The following MTMR2 variants were observed in gnomAD, a reference collection of about 807,000 sequenced individuals.
MTMR2 encodes the protein myotubularin related protein 2, also known as phosphatidylinositol-3,5-bisphosphate 3-phosphatase MTMR2.
A neutral mutation model predicts 86.9 loss-of-function variants in MTMR2; 55 were observed. The observed-to-expected ratio is 0.63, with a 90% confidence interval of 0.51 to 0.79. The LOEUF (loss-of-function observed/expected upper bound fraction) is 0.79, where lower values mean the gene tolerates loss of function less well. Among genes scored for constraint, MTMR2 ranks in the 30% least tolerant of loss-of-function variants. The pLI is 0.00. For missense variants in MTMR2, 659 were observed against 772.3 expected (o/e 0.85, Z 1.74); for synonymous variants, 241 against 266.8 (o/e 0.90, Z 0.94).
At chr11:95,842,556 G>A (rs1377826807) in intron 11 of MTMR2, among the ~76,000 whole-genome samples, 1 of 152,126 alleles carries the variant, frequency 6.6e-6, no homozygotes, top group Admixed American at 6.6e-5. Flanking sequence ...TTCCTCTGAG[G>A]ACCTTTGACT....
intron 9 of MTMR2, among the ~76,000 whole-genome samples, chr11:95,849,310 C>T (rs1418302553): frequency 1.3e-5 from 2 of 151,950 alleles, no homozygotes; most frequent in African/African-American, 4.8e-5. Flanking sequence ...CAGTACTATA[C>T]AGGGACTTCA....
chr11:95,901,806 G>A (rs1866083791), intron 1 of MTMR2, among the ~76,000 whole-genome samples: 1 of 152,124 alleles, frequency 6.6e-6, no homozygotes, highest in South Asian at 2.1e-4. Context: ...AATGCTCCTT[G>A]GAGCAGATAA....
chr11:95,917,422 T>C (rs936954045), intron 1 of MTMR2, among the ~76,000 whole-genome samples: 1 of 152,204 alleles, frequency 6.6e-6, no homozygotes, highest in Middle Eastern at 3.2e-3. Context: ...CCCCTGGGCA[T>C]AATCCAAACT....
intron 1 of MTMR2, among the ~76,000 whole-genome samples, chr11:95,903,358 G>C (rs543781763): frequency 9.2e-5 from 14 of 152,220 alleles, no homozygotes; most frequent in Admixed American, 5.9e-4. Context: ...CTCCATGCCT[G>C]TTATTACAGT....
chr11:95,912,851 A>T (rs891376198), intron 1 of MTMR2: 3 of 152,094 alleles, frequency 2.0e-5, no homozygotes, highest in African/African-American at 7.2e-5. Flanking sequence ...ACAGAATACA[A>T]ATGAAGAAAA....
At chr11:95,880,136 G>A (rs1335181975) in intron 2 of MTMR2, among the ~76,000 whole-genome samples, 1 of 151,790 alleles carries the variant, frequency 6.6e-6, no homozygotes, top group African/African-American at 2.4e-5. Context: ...TTTCTTGGAA[G>A]TCAGACATGT....
intron 1 of MTMR2, among the ~76,000 whole-genome samples, chr11:95,915,627 T>C (rs1423461768): frequency 6.6e-6 from 1 of 152,144 alleles, no homozygotes; most frequent in Admixed American, 6.5e-5. Context: ...TAAATTAAAA[T>C]GGTCAGCTTT....
At chr11:95,858,682 A>T (rs780992065) in intron 5 of MTMR2, 50 bp from the exon 6 acceptor site, 1 of 1,151,410 alleles carries the variant, frequency 8.7e-7, no homozygotes, top group East Asian at 2.3e-5. Context: ...ACTTACTTAA[A>T]TGAATAAATA....
intron 2 of MTMR2, among the ~76,000 whole-genome samples, chr11:95,872,489 C>T (rs1211828285): frequency 6.6e-6 from 1 of 152,154 alleles, no homozygotes; most frequent in Non-Finnish European, 1.5e-5. Flanking sequence ...GCTGAAGTTG[C>T]TTATCAGCTT....
intron 1 of MTMR2, among the ~76,000 whole-genome samples, chr11:95,902,209 A>G (rs1591039072): frequency 2.0e-5 from 3 of 152,194 alleles, no homozygotes; most frequent in African/African-American, 7.2e-5. Context: ...TATATCATAT[A>G]ATTGGTTATT....
intron 2 of MTMR2, among the ~76,000 whole-genome samples, chr11:95,874,853 G>A (rs1466118999): frequency 2.0e-5 from 3 of 152,048 alleles, no homozygotes; most frequent in Non-Finnish European, 2.9e-5. Context: ...CTTCACTTAT[G>A]GAGCTTAGTT....
At chr11:95,845,919 ATTC>A (rs1211133997) in intron 10 of MTMR2, among the ~76,000 whole-genome samples, 2 of 147,764 alleles carry the variant, frequency 1.4e-5, no homozygotes, top group Non-Finnish European at 3.0e-5. Context: ...ATACAGCCCT[ATTC>A]TTCTCTGCAA....
At chr11:95,846,900 T>C (rs991562605) in intron 10 of MTMR2, among the ~76,000 whole-genome samples, 7 of 152,154 alleles carry the variant, frequency 4.6e-5, no homozygotes, top group Non-Finnish European at 7.4e-5. Flanking sequence ...AAAATTCTTA[T>C]TCAGTTTGGT....
intron 8 of MTMR2, 96 bp downstream of exon 8, chr11:95,850,504 C>G (rs750006153): frequency 7.3e-6 from 9 of 1,226,582 alleles, no homozygotes; most frequent in Non-Finnish European, 1.1e-5. Flanking sequence ...GCTGCTGTAG[C>G]TATTTATATC....
intron 2 of MTMR2, among the ~76,000 whole-genome samples, chr11:95,878,073 A>G (rs2135522909): frequency 1.3e-5 from 2 of 151,336 alleles, no homozygotes; most frequent in Middle Eastern, 6.8e-3. Flanking sequence ...TGGATAAATG[A>G]ATTGTGGTAC....
Position 95,833,335 on chromosome 11 carries a change from C to T in MTMR2, c.*1955G>A, listed in dbSNP as rs376259899. 2 of 152,084 alleles carry T rather than the reference C, an allele frequency of 1.3e-5. No homozygotes were observed. The highest frequency in any genetic ancestry group is 2.1e-4 in the South Asian group (1 of 4,820). The allele number at this position is 152,084 out of a possible 1,614,324, so 9.4% of individuals were successfully genotyped here. On this transcript the variant is annotated 3_prime_UTR_variant, in exon 15 of 15. Coordinates refer to ENST00000346299, the MANE Select transcript of MTMR2 (RefSeq NM_016156.6). ...TAATCAAAAAGGGAAAAAATTACAC[C>T]TGCACAACCAATAGACATACAAAGT...
intron 4 of MTMR2, 75 bp from the exon 5 acceptor site, chr11:95,862,177 A>T: frequency 6.5e-7 from 1 of 1,538,038 alleles, no homozygotes; most frequent in Non-Finnish European, 9.0e-7. Context: ...CAAAATCTTA[A>T]TCAGAAATGC....
At chr11:95,844,926 T>C (rs781632235) in intron 11 of MTMR2, 27 bp downstream of exon 11, 64 of 1,547,440 alleles carry the variant, frequency 4.1e-5, no homozygotes, top group Non-Finnish European at 5.4e-5. Flanking sequence ...GCATGTGATA[T>C]ATCCAAAGTC....
intron 7 of MTMR2, among the ~76,000 whole-genome samples, chr11:95,853,811 T>G (rs1485134064): frequency 6.6e-6 from 1 of 152,168 alleles, no homozygotes; most frequent in Non-Finnish European, 1.5e-5. Context: ...AATAAATCAG[T>G]GAACCACAGG....
Sources: gnomAD v4.1 joint callset for allele counts (sites outside exome capture counted in the v4.1 genomes callset) on GRCh38, gnomAD v4.1.1 for gene constraint, MANE v1.5 for transcripts, NCBI Gene and HGNC (gene_info 2026-07-23, HGNC 2026-07-21) for gene names.